Variants in LIMCH1 observed in about 807,000 individuals in gnomAD.
LIMCH1 encodes LIM and calponin homology domains-containing protein 1.
LIMCH1 carries 113 observed loss-of-function variants against 176.5 expected under a neutral mutation model. That is an observed-to-expected ratio of 0.64 (90% CI 0.55 to 0.75). The LOEUF (loss-of-function observed/expected upper bound fraction) is 0.75. LIMCH1 is among the 30% of genes least tolerant of loss of function. LIMCH1 has a pLI of 0.00. For missense variants in LIMCH1, 1,674 were observed against 1,814.9 expected (o/e 0.92, Z 1.41); for synonymous variants, 619 against 645.9 (o/e 0.96, Z 0.63).
At chr4:41,364,786 A>G (rs1561131430) in intron 1 of LIMCH1, among the ~76,000 whole-genome samples, 1 of 152,232 alleles carries the variant, frequency 6.6e-6, no homozygotes, top group Admixed American at 6.5e-5. Context: ...CCAAATATTC[A>G]TCTAAATGCA....
chr4:41,574,672 T>C (rs185264693), intron 1 of LIMCH1, among the ~76,000 whole-genome samples: 2 of 152,288 alleles, frequency 1.3e-5, no homozygotes, highest in East Asian at 3.9e-4. Context: ...ATCCCTGTCA[T>C]TGTTTTAATG....
At position 41,689,797 on chromosome 4, in the gene LIMCH1, G is replaced by A. The variant is rs1018965048; in HGVS notation, c.4275+162G>A. 43 of 530,212 alleles carry A rather than the reference G, an allele frequency of 8.1e-5. 1 individual carries two copies. In the South Asian group the frequency reaches 8.2e-4, roughly 10 times the overall value. The allele number at this position is 530,212 out of a possible 1,614,324, so 32.8% of individuals were successfully genotyped here. On this transcript the variant is annotated intron_variant, in intron 30 of 31. Transcript: ENST00000503057. The stretch of plus-strand genomic sequence containing the variant: ...CTTCAGAATGAAACTCACCTATCAC[G>A]AATCCCTCTGGGATGTCAGATTAGA...
chr4:41,531,838 C>T (rs558505479), intron 3 of LIMCH1, among the ~76,000 whole-genome samples: 12 of 152,212 alleles, frequency 7.9e-5, no homozygotes, highest in Admixed American at 2.6e-4. Context: ...TTGCATGGTA[C>T]GATCCGGAGT....
chr4:41,683,914 G>T (rs967067385), intron 26 of LIMCH1, among the ~76,000 whole-genome samples: 1 of 152,068 alleles, frequency 6.6e-6, no homozygotes, highest in African/African-American at 2.4e-5. Context: ...TTGCATTTTT[G>T]CAATTTCTCC....
intron 1 of LIMCH1, among the ~76,000 whole-genome samples, chr4:41,543,747 A>C (rs10030961): frequency 0.065 from 9,863 of 152,226 alleles, 545 homozygotes; most frequent in African/African-American, 0.14. Context: ...CTGTTAAAAA[A>C]ACAAAGGCGC....
At chr4:41,486,343 G>C (rs531876614) in intron 1 of LIMCH1, among the ~76,000 whole-genome samples, 1 of 152,118 alleles carries the variant, frequency 6.6e-6, no homozygotes, top group Admixed American at 6.5e-5. Context: ...AGAGTCCTTC[G>C]TCAGTCAGGA....
chr4:41,507,478 C>G (rs2074326372), intron 2 of LIMCH1, among the ~76,000 whole-genome samples: 1 of 152,072 alleles, frequency 6.6e-6, no homozygotes, highest in East Asian at 1.9e-4. Context: ...CAGGAAATTC[C>G]AAGGGATTAG....
At chr4:41,622,225 T>A (rs977500132) in intron 7 of LIMCH1, among the ~76,000 whole-genome samples, 2 of 152,170 alleles carry the variant, frequency 1.3e-5, no homozygotes, top group African/African-American at 4.8e-5. Flanking sequence ...CCCTTGAGCA[T>A]CCCATACACC....
At chr4:41,697,137 G>C (rs1560431767) in intron 31 of LIMCH1, 23 bp from the exon 32 acceptor site, 10 of 1,612,928 alleles carry the variant, frequency 6.2e-6, no homozygotes, top group Non-Finnish European at 8.5e-6. Flanking sequence ...ACTCTTGTTT[G>C]TTGTTGTTTG....
chr4:41,507,841 A>C (rs895068450), intron 2 of LIMCH1, among the ~76,000 whole-genome samples: 1 of 129,196 alleles, frequency 7.7e-6, no homozygotes, highest in African/African-American at 2.9e-5. Context: ...TATGCAATCA[A>C]ATCATGTAAT....
rs79260434 is a variant in LIMCH1, at chr4:41,616,779, C to A, written c.206-2409C>A. On this transcript the variant is annotated intron_variant, in intron 5 of 31. Coordinates refer to ENST00000503057, the MANE Select transcript of LIMCH1 (RefSeq NM_001330672.2). ...TTAATTCTTGCGACAACATGTGATA[C>A]CTGTATTATCACCTCCATGTATCCC... Among the ~76,000 whole-genome samples, 836 of 152,050 alleles carry A rather than the reference C, an allele frequency of 5.5e-3. 13 individuals carry two copies. The highest frequency in any genetic ancestry group is 0.024 in the East Asian group (125 of 5,160).
intron 5 of LIMCH1, 23 bp downstream of exon 5, chr4:41,613,684 T>C (rs190506335): frequency 1.3e-6 from 2 of 1,597,264 alleles, no homozygotes; most frequent in East Asian, 4.5e-5. Context: ...CTTAATAAAC[T>C]ATCCATCTTG....
At chr4:41,507,296 T>C (rs1312536171) in intron 2 of LIMCH1, among the ~76,000 whole-genome samples, 3 of 152,132 alleles carry the variant, frequency 2.0e-5, no homozygotes, top group Non-Finnish European at 4.4e-5. Flanking sequence ...CTTTGTCACT[T>C]AGGCATGATT....
intron 2 of LIMCH1, among the ~76,000 whole-genome samples, chr4:41,502,977 G>A (rs866487877): frequency 3.0e-4 from 43 of 143,828 alleles, no homozygotes; most frequent in Non-Finnish European, 5.4e-4. Context: ...TGCTTGAATT[G>A]TGTTATCTGA....
In LIMCH1 at chr4:41,488,370, A is replaced by G. The variant is rs1273755892; in HGVS notation, c.97-6166A>G. On this transcript the variant is annotated intron_variant, in intron 1 of 26. Coordinates refer to the LIMCH1 transcript ENST00000313860. ...TGGGAAAAAAATGCCAATATGTTTA[A>G]AGTCTATGTTTAAAATATTAGCTTT... is the stretch of plus-strand genomic sequence containing the variant. 2.0e-5 allele frequency among the ~76,000 whole-genome samples: 3 copies of G among 152,190 alleles called. No homozygotes were observed. The East Asian group carries it at 5.8e-4, about 29-fold the overall frequency.
chr4:41,682,874 G>A (rs1268548588), intron 26 of LIMCH1, among the ~76,000 whole-genome samples: 1 of 151,810 alleles, frequency 6.6e-6, no homozygotes, highest in Non-Finnish European at 1.5e-5. Context: ...ATGGGGTTTC[G>A]TCATGTTGGT....
rs201109006 is a variant in LIMCH1 at position 41,682,677 on chromosome 4, TC to T, written c.3845+218del. On this transcript the variant is annotated intron_variant, in intron 26 of 31. Coordinates refer to ENST00000503057, the MANE Select transcript of LIMCH1 (RefSeq NM_001330672.2). ...ATAGCCTTATTTTTTTTCTTCTTCT[TC>T]TTTTTTTTTTTTTTGCTTGAGACGG... is the stretch of plus-strand genomic sequence containing the variant. Among the ~76,000 whole-genome samples the T allele has an allele frequency of 1.6e-3, 229 of 142,406 alleles. 8 individuals carry two copies. The highest frequency in any genetic ancestry group is 4.3e-3 in the African/African-American group (165 of 38,464). 93.4% of individuals were successfully genotyped at this position (142,406 alleles called of 152,430 possible).
intron 1 of LIMCH1, among the ~76,000 whole-genome samples, chr4:41,492,237 C>A (rs1235052530): frequency 1.3e-5 from 2 of 152,138 alleles, no homozygotes; most frequent in African/African-American, 4.8e-5. Context: ...CCCGTCTCCA[C>A]CAAAAATACA....
At chr4:41,639,550 G>A (rs1361427537) in intron 14 of LIMCH1, among the ~76,000 whole-genome samples, 1 of 152,058 alleles carries the variant, frequency 6.6e-6, no homozygotes, top group Non-Finnish European at 1.5e-5. Flanking sequence ...TCCCCTCCCT[G>A]CTGCTTGGTT....
Sources: gnomAD v4.1 joint callset for allele counts (sites outside exome capture counted in the v4.1 genomes callset) on GRCh38, gnomAD v4.1.1 for gene constraint, MANE v1.5 for transcripts, NCBI Gene and HGNC (gene_info 2026-07-23, HGNC 2026-07-21) for gene names.